EYA1: variants seen among roughly 807,000 people sequenced by gnomAD.
EYA1 encodes EYA transcriptional coactivator and phosphatase 1.
In EYA1, 16 loss-of-function variants were observed where a neutral mutation model predicts 82.0. The observed-to-expected ratio is 0.20, with a 90% CI of 0.13 to 0.30. EYA1 has a LOEUF of 0.30. EYA1 is among the 10% of genes least tolerant of loss of function. The pLI, the probability that EYA1 is intolerant of heterozygous loss-of-function variation, is 1.00. For synonymous variants in EYA1, 261 were observed against 264.4 expected, an observed-to-expected ratio of 0.99 and a Z score of 0.12; for missense variants, 633 against 730.7, an observed-to-expected ratio of 0.87 and a Z score of 1.54.
chr8:71,492,499 C>G (rs781499462), intron 2 of EYA1, among the ~76,000 whole-genome samples: 21 of 149,718 alleles, frequency 1.4e-4, no homozygotes, highest in Non-Finnish European at 3.0e-4. Context: ...GAGTCTCGCT[C>G]TGTTGCCCAG....
At chr8:71,331,629 T>C (rs1265483415) in intron 4 of EYA1, among the ~76,000 whole-genome samples, 1 of 152,060 alleles carries the variant, frequency 6.6e-6, no homozygotes, top group Non-Finnish European at 1.5e-5. Context: ...GGCCCATATA[T>C]GTACATACAG....
intron 3 of EYA1, among the ~76,000 whole-genome samples, chr8:71,345,270 T>C (rs536190343): frequency 1.2e-3 from 176 of 152,322 alleles, no homozygotes; most frequent in African/African-American, 4.1e-3. Flanking sequence ...AAATAACAGA[T>C]AATAATAGCC....
At chr8:71,244,722 A>C (rs1274632231) in intron 11 of EYA1, 30 bp from the exon 12 acceptor site, 3 of 1,284,772 alleles carry the variant, frequency 2.3e-6, no homozygotes, top group Non-Finnish European at 3.4e-6. Context: ...GGTGAAGAAC[A>C]TGTATACTTC....
intron 12 of EYA1, among the ~76,000 whole-genome samples, chr8:71,226,202 CAT>C (rs34987681): frequency 0.059 from 9,033 of 152,100 alleles, 568 homozygotes; most frequent in African/African-American, 0.16. Flanking sequence ...TGCATGAACA[CAT>C]GTTTTTCAAA....
chr8:71,470,622 T>C (rs1440025192), intron 2 of EYA1, among the ~76,000 whole-genome samples: 1 of 152,082 alleles, frequency 6.6e-6, no homozygotes, highest in Non-Finnish European at 1.5e-5. Context: ...CAATTGATTC[T>C]GTCACATTGA....
intron 2 of EYA1, among the ~76,000 whole-genome samples, chr8:71,509,367 G>A (rs949594026): frequency 2.6e-5 from 4 of 152,054 alleles, no homozygotes; most frequent in African/African-American, 9.7e-5. Context: ...TAAGGTTAAC[G>A]TTTTATAATT....
chr8:71,544,502 T>C (rs535034243), intron 1 of EYA1, among the ~76,000 whole-genome samples: 4 of 152,324 alleles, frequency 2.6e-5, no homozygotes, highest in South Asian at 4.1e-4. Context: ...CTTTTCCTTA[T>C]ACTAAGCTGA....
At chr8:71,444,309 C>T (rs1363216471) in intron 2 of EYA1, among the ~76,000 whole-genome samples, 1 of 152,112 alleles carries the variant, frequency 6.6e-6, no homozygotes, top group Non-Finnish European at 1.5e-5. Flanking sequence ...ACTCACTCTT[C>T]TAAAGAAAGA....
At chr8:71,334,841 T>C (rs902554829) in intron 3 of EYA1, among the ~76,000 whole-genome samples, 14 of 152,244 alleles carry the variant, frequency 9.2e-5, no homozygotes, top group African/African-American at 3.1e-4. Context: ...GCAGACAGTT[T>C]GTGAAATACA....
In EYA1 at chr8:71,334,135, G is replaced by A. The variant is rs201434219; in HGVS notation, c.164C>T (p.Thr55Met). Reference protein sequence around the residue: ...EPMSSSETASTTADGSLNNFS... With the variant: ...EPMSSSETASMTADGSLNNFS... ...ATTGTTTAAAGACCCGTCGGCTGTCGTTGAAGCTGTTTCACTGCTGCTCAT... is the reference window on the plus strand; with the variant it reads ...ATTGTTTAAAGACCCGTCGGCTGTCATTGAAGCTGTTTCACTGCTGCTCAT... The change falls in exon 4 of 18, where the codon ACG (threonine) becomes ATG (methionine). Residue 55 changes from threonine to methionine, a missense_variant. By Grantham distance (81) the Thr-to-Met change is moderately conservative (BLOSUM62 -1). Transcript: ENST00000340726. 351 of 1,613,640 alleles carry A rather than the reference G, an allele frequency of 2.2e-4. No homozygotes were observed. Among genetic ancestry groups the A allele is most frequent in the Middle Eastern group, 8.3e-4 (5 of 6,056 alleles).
At chr8:71,488,087 T>C (rs1487689933) in intron 2 of EYA1, among the ~76,000 whole-genome samples, 2 of 152,048 alleles carry the variant, frequency 1.3e-5, no homozygotes, top group East Asian at 1.9e-4. Context: ...GGATACATGA[T>C]ATAAAGGATA....
At position 71,375,261 on chromosome 8, in the gene EYA1, A is replaced by AATATAT. The variant is rs144567107; in HGVS notation, c.34-18756_34-18751dup. Among the ~76,000 whole-genome samples the AATATAT allele has an allele frequency of 1.8e-3, 275 of 151,192 alleles. 2 individuals carry two copies. In the Middle Eastern group the frequency reaches 0.028, roughly 15 times the overall value. ...TCAAAATATCATATTGTACATCTTA[A>AATATAT]ATATATATATATAATTTTTTAAAAT... On this transcript the variant is annotated intron_variant, in intron 2 of 18. Coordinates refer to the EYA1 transcript ENST00000643681.
In EYA1 at chr8:71,198,473, C is replaced by G. The variant is rs563687259; in HGVS notation, c.*867G>C. ...AAATCCATTATCTACATATTTATACCGAAAACTCAGATAAGGCACGGCACA... is the reference window on the plus strand; with the variant it reads ...AAATCCATTATCTACATATTTATACGGAAAACTCAGATAAGGCACGGCACA... On this transcript the variant is annotated 3_prime_UTR_variant, in exon 18 of 18. Transcript: ENST00000340726. 6.6e-6 allele frequency: 1 copy of G among 152,466 alleles called. No homozygotes were observed. The highest frequency in any genetic ancestry group is 1.5e-5 in the Non-Finnish European group (1 of 68,004). 9.4% of individuals were successfully genotyped at this position (152,466 alleles called of 1,614,324 possible).
At chr8:71,405,341 A>C (rs544436594) in intron 2 of EYA1, among the ~76,000 whole-genome samples, 1 of 152,302 alleles carries the variant, frequency 6.6e-6, no homozygotes, top group East Asian at 1.9e-4. Context: ...TCTCCTGTCC[A>C]ACCTTTTTTC....
At chr8:71,365,808 C>T (rs1169025974), upstream of EYA1, among the ~76,000 whole-genome samples, 1 of 152,104 alleles carries the variant, frequency 6.6e-6, no homozygotes. Context: ...CTCCCAGGAG[C>T]CTTCTGCTGA....
At chr8:71,201,846 CTCTT>C (rs779732255) in intron 17 of EYA1, among the ~76,000 whole-genome samples, 2 of 152,084 alleles carry the variant, frequency 1.3e-5, no homozygotes, top group Non-Finnish European at 2.9e-5. Flanking sequence ...TTTTTATATT[CTCTT>C]TATTTCTAAT....
At chr8:71,206,895 A>G (rs1281422839) in intron 17 of EYA1, among the ~76,000 whole-genome samples, 1 of 151,616 alleles carries the variant, frequency 6.6e-6, no homozygotes, top group African/African-American at 2.4e-5. Context: ...AGCTGGGACT[A>G]CAGGCACCCA....
chr8:71,284,158 C>A (rs1818124850), intron 9 of EYA1, among the ~76,000 whole-genome samples: 1 of 152,174 alleles, frequency 6.6e-6, no homozygotes. Flanking sequence ...GCCTGGGGAC[C>A]CTTGGCTGCC....
chr8:71,322,038 C>T, intron 5 of EYA1, 159 bp from the exon 6 acceptor site: 1 of 1,103,928 alleles, frequency 9.1e-7, no homozygotes, highest in South Asian at 1.3e-5. Flanking sequence ...AGTGTCTCCA[C>T]TACATGATGC....
Sources: allele counts gnomAD v4.1 joint callset (sites outside exome capture counted in the v4.1 genomes callset), GRCh38; gene constraint gnomAD v4.1.1; transcripts MANE v1.5; gene names NCBI Gene and HGNC (gene_info 2026-07-23, HGNC 2026-07-21).